SCIMP: variants seen among roughly 807,000 people sequenced by gnomAD.
SCIMP encodes the protein SLP adapter and CSK-interacting membrane protein.
A neutral mutation model predicts 22.0 loss-of-function variants in SCIMP; 18 were observed. The observed-to-expected ratio is 0.82, with a 90% CI of 0.56 to 1.21. SCIMP has a LOEUF of 1.21. Among genes scored for constraint, SCIMP ranks in the 50% most tolerant of loss-of-function variants. The probability of loss-of-function intolerance (pLI) is 0.00; values close to 1 mark genes in which losing one functional copy is unlikely to be tolerated. For missense variants in SCIMP, 155 were observed against 171.2 expected (o/e 0.91, Z 0.53); for synonymous variants, 53 against 62.2 (o/e 0.85, Z 0.70).
At position 5,214,885 on chromosome 17, in the gene SCIMP, C is replaced by G. The variant is rs748701336; in HGVS notation, c.283+40G>C. ...AAAGACACCTTGATAAACTCGTTAT[C>G]TTACCCTAAATGAAACTGCTACCAG... On this transcript the variant is annotated intron_variant, in intron 4 of 4. Coordinates refer to ENST00000574081, the MANE Select transcript of SCIMP (RefSeq NM_207103.3). 1.8e-4 allele frequency: 131 copies of G among 727,844 alleles called. 1 individual carries two copies. In the East Asian group the frequency reaches 4.1e-3, roughly 23 times the overall value. The allele number at this position is 727,844 out of a possible 1,614,324, so 45.1% of individuals were successfully genotyped here. A position where few individuals can be genotyped will look rare whatever the true frequency, so the allele number is the denominator to read the frequency against.
intron 3 of SCIMP, among the ~76,000 whole-genome samples, chr17:5,215,838 CAT>C (rs2074561793): frequency 6.6e-6 from 1 of 152,122 alleles, no homozygotes; most frequent in African/African-American, 2.4e-5. Flanking sequence ...AGCACAGACA[CAT>C]AAAATTTGCC....
chr17:5,234,539 C>A, intron 1 of SCIMP, 196 bp downstream of exon 1: 2 of 613,158 alleles, frequency 3.3e-6, no homozygotes, highest in South Asian at 1.9e-5. Flanking sequence ...GTCACTCAGC[C>A]AGTTACCAGT....
intron 1 of SCIMP, among the ~76,000 whole-genome samples, chr17:5,227,294 C>CAA (rs778805172): frequency 9.5e-6 from 1 of 105,476 alleles, no homozygotes; most frequent in Non-Finnish European, 2.2e-5. Flanking sequence ...ACACACACAA[C>CAA]ACACACACAC....
At chr17:5,220,779 C>T (rs781500756) in intron 3 of SCIMP, among the ~76,000 whole-genome samples, 5 of 150,292 alleles carry the variant, frequency 3.3e-5, no homozygotes, top group Non-Finnish European at 3.0e-5. Flanking sequence ...AACTACCAGG[C>T]GGGCCTGGTG....
intron 4 of SCIMP, among the ~76,000 whole-genome samples, chr17:5,211,389 T>A (rs1456322276): frequency 6.6e-6 from 1 of 151,914 alleles, no homozygotes; most frequent in Non-Finnish European, 1.5e-5. Flanking sequence ...CCGGATGTGG[T>A]GGTGCATGCC....
rs967612566 is a variant in SCIMP at position 5,209,995 on chromosome 17, A to G, written c.*806T>C. ...ATGCCCCTTTTCTTTCCTGTTCCCC[A>G]TGATTTGTCCTGGGGGAAATGTATT... On this transcript the variant is annotated 3_prime_UTR_variant, in exon 5 of 5. Coordinates refer to ENST00000574081, the MANE Select transcript of SCIMP (RefSeq NM_207103.3). 1.3e-5 allele frequency: 2 copies of G among 152,120 alleles called. No individual in the cohort carries two copies. Among genetic ancestry groups the G allele is most frequent in the Admixed American group, 6.5e-5 (1 of 15,268 alleles). The allele number at this position is 152,120 out of a possible 1,614,324, so 9.4% of individuals were successfully genotyped here.
intron 1 of SCIMP, among the ~76,000 whole-genome samples, chr17:5,232,679 A>C (rs1183426319): frequency 1.3e-5 from 2 of 150,982 alleles, no homozygotes; most frequent in African/African-American, 4.9e-5. Context: ...GTTGCTGTTC[A>C]TGCTAAGTGA....
intron 3 of SCIMP, among the ~76,000 whole-genome samples, chr17:5,219,880 C>T (rs1055370441): frequency 3.3e-5 from 5 of 152,154 alleles, no homozygotes; most frequent in African/African-American, 7.2e-5. Flanking sequence ...CGTCTGTTGC[C>T]ACATATTGTT....
chr17:5,222,233 G>T (rs1023540547), intron 2 of SCIMP, among the ~76,000 whole-genome samples: 1 of 151,940 alleles, frequency 6.6e-6, no homozygotes, highest in Non-Finnish European at 1.5e-5. Flanking sequence ...GGGACTACAG[G>T]CGCCTGCCAC....
At chr17:5,231,052 A>G (rs1345571048) in intron 1 of SCIMP, among the ~76,000 whole-genome samples, 1 of 151,914 alleles carries the variant, frequency 6.6e-6, no homozygotes, top group Non-Finnish European at 1.5e-5. Flanking sequence ...TCATCATAGT[A>G]ATGGTTGTTT....
At chr17:5,215,997 A>G (rs116330895) in intron 3 of SCIMP, among the ~76,000 whole-genome samples, 1,941 of 151,814 alleles carry the variant, frequency 0.013, 39 homozygotes, top group African/African-American at 0.044. Context: ...TAAGGGTAAT[A>G]TAGGGAGACC....
Position 5,215,000 on chromosome 17 carries a change from TAGAGAG to T in SCIMP, c.210-8_210-3del. ...ACTGGCGACTCATTAAGAACATTCC[TAGAGAG>T]AGAGAAAGAGAGAGAATCAGTGTTT... is the stretch of plus-strand genomic sequence containing the variant. On this transcript the variant is annotated splice_region_variant and splice_polypyrimidine_tract_variant and intron_variant, in intron 3 of 4. Coordinates refer to ENST00000574081, the MANE Select transcript of SCIMP (RefSeq NM_207103.3). 6.3e-7 allele frequency: 1 copy of T among 1,599,908 alleles called. No homozygotes were observed. The highest frequency in any genetic ancestry group is 2.2e-5 in the East Asian group (1 of 44,818).
At chr17:5,232,376 G>GTT (rs2074705829) in intron 1 of SCIMP, among the ~76,000 whole-genome samples, 1 of 148,330 alleles carries the variant, frequency 6.7e-6, no homozygotes, top group Non-Finnish European at 1.5e-5. Context: ...AAACAGTGCA[G>GTT]TATAAACAGT....
chr17:5,234,695 G>A (rs768382214), intron 1 of SCIMP, 40 bp downstream of exon 1: 1 of 1,606,436 alleles, frequency 6.2e-7, no homozygotes, highest in South Asian at 1.1e-5. Flanking sequence ...CTGCTGTGAA[G>A]AGAGCAGGAA....
intron 1 of SCIMP, among the ~76,000 whole-genome samples, chr17:5,231,916 C>T (rs1265752848): frequency 1.3e-5 from 2 of 152,184 alleles, no homozygotes; most frequent in East Asian, 1.9e-4. Context: ...ATTAGCCAGG[C>T]ATGGTGGCAG....
chr17:5,233,434 A>G (rs2074718207), intron 1 of SCIMP, among the ~76,000 whole-genome samples: 1 of 152,186 alleles, frequency 6.6e-6, no homozygotes, highest in Admixed American at 6.5e-5. Flanking sequence ...GTGCAGTGAC[A>G]TAATCTTGGC....
chr17:5,231,780 C>A (rs183547220), intron 1 of SCIMP, among the ~76,000 whole-genome samples: 1 of 152,176 alleles, frequency 6.6e-6, no homozygotes, highest in Non-Finnish European at 1.5e-5. Flanking sequence ...CTTGGCGGGA[C>A]GCGGTGGCTC....
intron 1 of SCIMP, among the ~76,000 whole-genome samples, chr17:5,228,565 A>AG (rs2074669819): frequency 6.6e-6 from 1 of 151,872 alleles, no homozygotes; most frequent in South Asian, 2.1e-4. Context: ...GGATTGCTTG[A>AG]GCCCAGGGAT....
rs182102778 is a variant in SCIMP, at chr17:5,234,641, G to A, written c.21+94C>T. 8.7e-5 allele frequency: 117 copies of A among 1,340,240 alleles called. No homozygotes were observed. The African/African-American group carries it at 1.6e-3, about 19-fold the overall frequency. The allele number at this position is 1,340,240 out of a possible 1,614,324, so 83.0% of individuals were successfully genotyped here. Reference sequence around the variant, plus strand: ...GCAATCCCCTGGCCCAGTGCTGATCGGTGGCTCCCAGGGACACGCCCTGAT... The same window carrying A: ...GCAATCCCCTGGCCCAGTGCTGATCAGTGGCTCCCAGGGACACGCCCTGAT... On this transcript the variant is annotated intron_variant, in intron 1 of 4. Transcript: ENST00000574081.
Sources: gnomAD v4.1 joint callset for allele counts (sites outside exome capture counted in the v4.1 genomes callset) on GRCh38, gnomAD v4.1.1 for gene constraint, MANE v1.5 for transcripts, NCBI Gene and HGNC (gene_info 2026-07-23, HGNC 2026-07-21) for gene names.